The following TMEM132C variants were observed in gnomAD, a reference collection of about 807,000 sequenced individuals.
TMEM132C encodes the protein transmembrane protein 132C.
A neutral mutation model predicts 61.4 loss-of-function variants in TMEM132C; 29 were observed. The observed-to-expected ratio is 0.47, with a 90% CI of 0.35 to 0.64. The LOEUF is 0.64. Among genes scored for constraint, TMEM132C ranks in the 30% least tolerant of loss-of-function variants. The probability of loss-of-function intolerance (pLI) is 0.00; values close to 1 mark genes in which losing one functional copy is unlikely to be tolerated. For synonymous variants in TMEM132C, 656 were observed against 633.1 expected (o/e 1.04, Z -0.54); for missense variants, 1,408 against 1,476.9 (o/e 0.95, Z 0.76).
chr12:128,364,582 T>G (rs748486657), intron 1 of TMEM132C, among the ~76,000 whole-genome samples: 10 of 152,158 alleles, frequency 6.6e-5, no homozygotes, highest in Non-Finnish European at 1.5e-4. Context: ...ACTCTCCCTT[T>G]TTCTCCTCTG....
chr12:128,463,881 A>G (rs1231688906), intron 2 of TMEM132C, among the ~76,000 whole-genome samples: 2 of 152,300 alleles, frequency 1.3e-5, no homozygotes, highest in East Asian at 3.9e-4. Context: ...TTGAATGGCC[A>G]TGTGCAGGAG....
At chr12:128,427,303 A>T (rs1483417662) in intron 2 of TMEM132C, among the ~76,000 whole-genome samples, 1 of 151,958 alleles carries the variant, frequency 6.6e-6, no homozygotes, top group Non-Finnish European at 1.5e-5. Context: ...ACCTTGCTGT[A>T]TCAGCTCCCA....
At chr12:128,424,153 G>T (rs111787905) in intron 2 of TMEM132C, among the ~76,000 whole-genome samples, 1 of 152,006 alleles carries the variant, frequency 6.6e-6, no homozygotes, top group Admixed American at 6.5e-5. Flanking sequence ...ATTCCCATGG[G>T]AGGGTGAGAG....
At chr12:128,482,501 G>A (rs1286154493) in intron 2 of TMEM132C, among the ~76,000 whole-genome samples, 2 of 152,162 alleles carry the variant, frequency 1.3e-5, no homozygotes, top group Non-Finnish European at 2.9e-5. Flanking sequence ...AAATGAGTTA[G>A]GGAAAAGTCC....
chr12:128,427,185 A>G (rs10847618), intron 2 of TMEM132C, among the ~76,000 whole-genome samples: 19,653 of 152,106 alleles, frequency 0.13, 1,712 homozygotes, highest in South Asian at 0.34. Flanking sequence ...TGAAACTCCA[A>G]AAGTCATTAA....
chr12:128,394,388 A>G (rs1261606969), intron 1 of TMEM132C, among the ~76,000 whole-genome samples: 1 of 152,248 alleles, frequency 6.6e-6, no homozygotes, highest in Non-Finnish European at 1.5e-5. Flanking sequence ...GGAAGCCAAC[A>G]GCATCCTCTG....
intron 3 of TMEM132C, among the ~76,000 whole-genome samples, chr12:128,561,207 C>G (rs1874507056): frequency 6.6e-6 from 1 of 152,236 alleles, no homozygotes; most frequent in Non-Finnish European, 1.5e-5. Flanking sequence ...CTAGGCACTG[C>G]TGGACATATA....
chr12:128,432,227 A>G (rs1465114147), intron 2 of TMEM132C, among the ~76,000 whole-genome samples: 3 of 152,254 alleles, frequency 2.0e-5, no homozygotes, highest in African/African-American at 7.2e-5. Context: ...TGCTAACACA[A>G]CATCCATTGC....
chr12:128,352,193 G>C (rs1427731091), intron 1 of TMEM132C, among the ~76,000 whole-genome samples: 1 of 152,128 alleles, frequency 6.6e-6, no homozygotes, highest in African/African-American at 2.4e-5. Flanking sequence ...AAAGGAAAGA[G>C]GTTTAATTGA....
intron 1 of TMEM132C, among the ~76,000 whole-genome samples, chr12:128,402,948 T>C (rs1339942838): frequency 2.0e-5 from 3 of 152,160 alleles, no homozygotes; most frequent in African/African-American, 7.2e-5. Flanking sequence ...AGAGTGATTA[T>C]GGAGCGCTCC....
At chr12:128,503,622 T>C (rs10847632) in intron 2 of TMEM132C, among the ~76,000 whole-genome samples, 15,424 of 152,312 alleles carry the variant, frequency 0.1, 1,593 homozygotes, top group African/African-American at 0.27. Context: ...CTAATGCTTA[T>C]GGGATAGTTA....
chr12:128,695,737 G>A (rs1252315587), intron 6 of TMEM132C, 93 bp from the exon 7 acceptor site: 3 of 1,379,426 alleles, frequency 2.2e-6, no homozygotes, highest in Admixed American at 2.7e-5. Context: ...CTTCAATGTG[G>A]TCTCCTTGAG....
At chr12:128,699,795 A>G (rs766722479) in intron 8 of TMEM132C, among the ~76,000 whole-genome samples, 21 of 152,210 alleles carry the variant, frequency 1.4e-4, no homozygotes, top group Non-Finnish European at 2.5e-4. Flanking sequence ...GGGCCATTCC[A>G]GGAATTCTGC....
chr12:128,481,677 A>T (rs1030813960), intron 2 of TMEM132C, among the ~76,000 whole-genome samples: 1 of 152,158 alleles, frequency 6.6e-6, no homozygotes. Context: ...TGCCTTCCCA[A>T]AAAGGGAAGC....
chr12:128,416,549 A>G (rs951324763), intron 2 of TMEM132C, among the ~76,000 whole-genome samples: 4 of 152,232 alleles, frequency 2.6e-5, no homozygotes, highest in African/African-American at 9.6e-5. Context: ...CCCTAATCAC[A>G]TTTTGAATGA....
chr12:128,330,093 G>A (rs1402126261), intron 1 of TMEM132C, among the ~76,000 whole-genome samples: 1 of 152,164 alleles, frequency 6.6e-6, no homozygotes. Context: ...GTCTGATGAA[G>A]CCAGTGAGTA....
chr12:128,448,884 A>C (rs1870081927), intron 2 of TMEM132C, among the ~76,000 whole-genome samples: 1 of 152,162 alleles, frequency 6.6e-6, no homozygotes, highest in Non-Finnish European at 1.5e-5. Context: ...TATTTTAAAA[A>C]TTAAGAAATT....
At chr12:128,694,725 A>G (rs1343240126) in intron 6 of TMEM132C, among the ~76,000 whole-genome samples, 1 of 152,194 alleles carries the variant, frequency 6.6e-6, no homozygotes, top group East Asian at 1.9e-4. Context: ...TAGGACAGTG[A>G]GATGCGGAAT....
At chr12:128,636,745 C>A (rs1196522726) in intron 4 of TMEM132C, among the ~76,000 whole-genome samples, 1 of 152,116 alleles carries the variant, frequency 6.6e-6, no homozygotes, top group African/African-American at 2.4e-5. Context: ...AACTTTACAC[C>A]CATTGAGCGA....
Sources: gnomAD v4.1 joint callset for allele counts (sites outside exome capture counted in the v4.1 genomes callset) on GRCh38, gnomAD v4.1.1 for gene constraint, MANE v1.5 for transcripts, NCBI Gene and HGNC (gene_info 2026-07-23, HGNC 2026-07-21) for gene names.